The following LYST variants were observed in gnomAD, a reference collection of about 807,000 sequenced individuals.
LYST encodes lysosomal-trafficking regulator.
A neutral mutation model predicts 413.6 loss-of-function variants in LYST; 192 were observed. The ratio of observed to expected loss-of-function variants is 0.46; its 90% confidence interval spans 0.41 to 0.52. The LOEUF (loss-of-function observed/expected upper bound fraction) is 0.52, where lower values mean the gene tolerates loss of function less well. Among genes scored for constraint, LYST ranks in the 20% least tolerant of loss-of-function variants. LYST has a pLI of 0.00. For synonymous variants in LYST, 1,525 were observed against 1,567.3 expected, an observed-to-expected ratio of 0.97 and a Z score of 0.64; for missense variants, 3,815 against 4,499.9, an observed-to-expected ratio of 0.85 and a Z score of 4.35.
At chr1:235,756,789 G>A (rs1667091260) in intron 24 of LYST, among the ~76,000 whole-genome samples, 1 of 152,122 alleles carries the variant, frequency 6.6e-6, no homozygotes, top group South Asian at 2.1e-4. Context: ...TGCTATGATA[G>A]AATAAATAAT....
At chr1:235,695,207 G>A (rs969188561) in intron 46 of LYST, among the ~76,000 whole-genome samples, 4 of 152,168 alleles carry the variant, frequency 2.6e-5, no homozygotes, top group Admixed American at 1.3e-4. Flanking sequence ...ATACATTATT[G>A]TATTGAATCC....
In LYST at chr1:235,731,105, C is replaced by T; in HGVS notation, c.8874G>A (p.Glu2958=). Reference sequence around the variant, plus strand: ...AATAACATCTCTGTAAACGTCTCCTCTCTCGATTTGGCCCTTCTGTTGGAT... The same window carrying T: ...AATAACATCTCTGTAAACGTCTCCTTTCTCGATTTGGCCCTTCTGTTGGAT... ...QLDPTEGPNR[E]RRRLQRCYLT... The change falls in exon 35 of 53, where the codon GAG becomes GAA. Residue 2958 remains glutamate, a synonymous_variant. Coordinates refer to ENST00000389793, the MANE Select transcript of LYST (RefSeq NM_000081.4). 6.2e-7 allele frequency: 1 copy of T among 1,613,826 alleles called. No homozygotes were observed. The highest frequency in any genetic ancestry group is 8.5e-7 in the Non-Finnish European group (1 of 1,179,740).
chr1:235,673,831 T>G (rs1659163590), intron 50 of LYST, among the ~76,000 whole-genome samples: 1 of 152,232 alleles, frequency 6.6e-6, no homozygotes, highest in Non-Finnish European at 1.5e-5. Context: ...GTCAAGGATT[T>G]AAAACAAACT....
rs536607951 is a variant in LYST at position 235,725,559 on chromosome 1, G to C, written c.9163-1379C>G. 4.6e-5 allele frequency among the ~76,000 whole-genome samples: 7 copies of C among 152,314 alleles called. No individual in the cohort carries two copies. The South Asian group carries it at 1.5e-3, about 32-fold the overall frequency. On this transcript the variant is annotated intron_variant, in intron 38 of 52. Coordinates refer to ENST00000389793, the MANE Select transcript of LYST (RefSeq NM_000081.4). Reference sequence around the variant, plus strand: ...TCTGAGAATTCATAACTGTGGGCCTGCCATCATATAGATTTAGGTTAAATC... The same window carrying C: ...TCTGAGAATTCATAACTGTGGGCCTCCCATCATATAGATTTAGGTTAAATC...
chr1:235,716,899 T>G, intron 40 of LYST, 121 bp from the exon 41 acceptor site: 1 of 630,616 alleles, frequency 1.6e-6, no homozygotes, highest in Non-Finnish European at 2.9e-6. Context: ...CTTATTTCTC[T>G]GCTTAAACAT....
intron 32 of LYST, among the ~76,000 whole-genome samples, chr1:235,734,107 A>AT (rs1193471243): frequency 6.6e-6 from 1 of 152,168 alleles, no homozygotes; most frequent in Non-Finnish European, 1.5e-5. Context: ...TTTAGGTCAC[A>AT]TAAGTTAGAG....
intron 3 of LYST, chr1:235,827,445 T>C: frequency 2.0e-6 from 2 of 984,480 alleles, no homozygotes; most frequent in Non-Finnish European, 2.4e-6. Context: ...CCCAGAGTAC[T>C]CAAGAAGTGC....
At chr1:235,681,873 C>T (rs532918185) in intron 48 of LYST, among the ~76,000 whole-genome samples, 2 of 151,368 alleles carry the variant, frequency 1.3e-5, no homozygotes, top group African/African-American at 4.8e-5. Flanking sequence ...TAATTTTTTT[C>T]AGTTCATTAA....
At chr1:235,822,136 T>C (rs1317015440) in intron 3 of LYST, among the ~76,000 whole-genome samples, 2 of 151,876 alleles carry the variant, frequency 1.3e-5, no homozygotes, top group Non-Finnish European at 1.5e-5. Context: ...CAGCTCAAAA[T>C]GAAAAAAGGC....
chr1:235,833,356 T>C (rs949613650), intron 2 of LYST, among the ~76,000 whole-genome samples: 4 of 152,150 alleles, frequency 2.6e-5, no homozygotes, highest in African/African-American at 9.6e-5. Flanking sequence ...ATACTGTATA[T>C]ATCCTTTTGT....
chr1:235,734,901 A>T lies in LYST; in HGVS notation c.8359-242T>A, dbSNP rs557190313. On this transcript the variant is annotated intron_variant, in intron 31 of 52. Transcript: ENST00000389793. ...TGTTATGTTACATAGGAAAACATTT[A>T]AAAAAAAGAATTTAGAGGTAAAATA... 5.3e-5 allele frequency: 16 copies of T among 303,268 alleles called. 1 individual carries two copies. Among genetic ancestry groups the T allele is most frequent in the African/African-American group, 2.2e-4 (10 of 45,902 alleles). 18.8% of individuals were successfully genotyped at this position (303,268 alleles called of 1,614,324 possible).
At chr1:235,864,061 C>T (rs1032975103) in intron 1 of LYST, among the ~76,000 whole-genome samples, 1 of 152,124 alleles carries the variant, frequency 6.6e-6, no homozygotes, top group African/African-American at 2.4e-5. Flanking sequence ...GTTAGGTCGG[C>T]TTAGCCAGAA....
At chr1:235,728,649 C>T (rs1237425797) in intron 37 of LYST, among the ~76,000 whole-genome samples, 2 of 152,132 alleles carry the variant, frequency 1.3e-5, no homozygotes, top group Non-Finnish European at 2.9e-5. Flanking sequence ...GTTGCTAACC[C>T]ATGTCCCTAC....
rs747965676 is a variant in LYST at position 235,810,533 on chromosome 1, A to G, written c.285T>C (p.Asp95=). 5.1e-5 allele frequency: 82 copies of G among 1,609,924 alleles called. No homozygotes were observed. Among genetic ancestry groups the G allele is most frequent in the Admixed American group, 8.3e-5 (5 of 59,974 alleles). Reference sequence around the variant, plus strand: ...TATCTGCTGAGAGCGGTAGGTTAAAATCTAATGGAATGAAAAAAGAAGGCT... The same window carrying G: ...TATCTGCTGAGAGCGGTAGGTTAAAGTCTAATGGAATGAAAAAAGAAGGCT... The part of the protein sequence containing the change: ...KIPVQEEKAT[D]FNLPLSADII... Residue 95 remains aspartate, a splice_region_variant and synonymous_variant, in exon 5 of 53, where the codon GAT becomes GAC. Coordinates refer to ENST00000389793, the MANE Select transcript of LYST (RefSeq NM_000081.4).
rs757239793 is a variant in LYST at position 235,724,100 on chromosome 1, T to G, written c.9243A>C (p.Gln3081His). 7 of 1,613,430 alleles carry G rather than the reference T, an allele frequency of 4.3e-6. No homozygotes were observed. The highest frequency in any genetic ancestry group is 1.7e-5 in the Admixed American group (1 of 60,026). The change falls in exon 39 of 53, where the codon CAA (glutamine) becomes CAC (histidine). Residue 3081 changes from glutamine (Q) to histidine (H), a missense_variant. Transcript: ENST00000389793. ...EIKEVHKRWW[Q>H]LRDNAVEIFL... ...AGATTTCTACAGCATTATCTCTCAA[T>G]TGCCACCAACGCTTGTGAACTTCTT...
chr1:235,847,439 C>T (rs866029390), intron 1 of LYST, among the ~76,000 whole-genome samples: 3 of 152,126 alleles, frequency 2.0e-5, no homozygotes, highest in African/African-American at 7.2e-5. Context: ...AAGCATAAAT[C>T]ACACAGGGCC....
chr1:235,803,345 C>T (rs1406284094), intron 7 of LYST, among the ~76,000 whole-genome samples: 1 of 151,946 alleles, frequency 6.6e-6, no homozygotes, highest in African/African-American at 2.4e-5. Context: ...TCTAGTTATA[C>T]AATTGGAAAT....
At chr1:235,788,956 A>G (rs919727731) in intron 12 of LYST, 111 bp from the exon 13 acceptor site, 20 of 952,502 alleles carry the variant, frequency 2.1e-5, no homozygotes, top group Admixed American at 5.7e-5. Context: ...TAGGTTATCT[A>G]CCCAGAATGT....
chr1:235,721,551 A>G (rs763005510), intron 39 of LYST, among the ~76,000 whole-genome samples: 3 of 152,218 alleles, frequency 2.0e-5, no homozygotes, highest in Non-Finnish European at 4.4e-5. Flanking sequence ...CTAAAAACAG[A>G]TATGAAATAC....
Sources: allele counts gnomAD v4.1 joint callset (sites outside exome capture counted in the v4.1 genomes callset), GRCh38; gene constraint gnomAD v4.1.1; transcripts MANE v1.5; gene names NCBI Gene and HGNC (gene_info 2026-07-23, HGNC 2026-07-21).